Variants in BACH2 observed in about 807,000 individuals in gnomAD.
BACH2 encodes the protein BACH transcriptional regulator 2.
BACH2 carries 5 observed loss-of-function variants against 61.8 expected under a neutral mutation model. The observed-to-expected ratio is 0.08, with a 90% CI of 0.04 to 0.17. BACH2 has a LOEUF of 0.17. BACH2 is among the 10% of genes least tolerant of loss of function. BACH2 has a pLI of 1.00. For missense variants in BACH2, 824 were observed against 1,091.1 expected, an observed-to-expected ratio of 0.76 and a Z score of 3.45; for synonymous variants, 446 against 440.1, an observed-to-expected ratio of 1.01 and a Z score of -0.17.
In BACH2 at chr6:90,018,777, G is replaced by C. The variant is rs369337981; in HGVS notation, c.-12-9921C>G. Among the ~76,000 whole-genome samples, 15 of 152,244 alleles carry C rather than the reference G, an allele frequency of 9.9e-5. No individual in the cohort carries two copies. The East Asian group carries it at 2.9e-3, about 29-fold the overall frequency. On this transcript the variant is annotated intron_variant, in intron 5 of 8. Coordinates refer to ENST00000257749, the MANE Select transcript of BACH2 (RefSeq NM_021813.4). Reference sequence around the variant, plus strand: ...AAAAGATAAAATATTTGTGAGGTTTGTTATCTGGAATCATTTTTTAAATGG... The same window carrying C: ...AAAAGATAAAATATTTGTGAGGTTTCTTATCTGGAATCATTTTTTAAATGG...
At chr6:89,947,347 C>T (rs1226186797) in intron 7 of BACH2, among the ~76,000 whole-genome samples, 1 of 152,152 alleles carries the variant, frequency 6.6e-6, no homozygotes, top group Non-Finnish European at 1.5e-5. Context: ...TTATCAACTC[C>T]TCGAGCAGCA....
At chr6:89,936,251 G>A (rs1340394361) in intron 8 of BACH2, among the ~76,000 whole-genome samples, 1 of 152,192 alleles carries the variant, frequency 6.6e-6, no homozygotes, top group Non-Finnish European at 1.5e-5. Context: ...ACAGGCAGGT[G>A]CCCAGCCTAA....
At chr6:90,221,244 T>C (rs1007118134) in intron 3 of BACH2, among the ~76,000 whole-genome samples, 4 of 152,214 alleles carry the variant, frequency 2.6e-5, no homozygotes, top group South Asian at 2.1e-4. Context: ...GTCTGTACAA[T>C]ATTCATGGAT....
At chr6:89,975,240 C>T (rs1263711357) in intron 6 of BACH2, among the ~76,000 whole-genome samples, 1 of 152,170 alleles carries the variant, frequency 6.6e-6, no homozygotes, top group Non-Finnish European at 1.5e-5. Flanking sequence ...GCAGAAATTG[C>T]TAATGGAATA....
intron 7 of BACH2, among the ~76,000 whole-genome samples, chr6:89,946,556 T>C (rs1773732418): frequency 6.6e-6 from 1 of 152,188 alleles, no homozygotes; most frequent in Non-Finnish European, 1.5e-5. Context: ...ACAACTGAAA[T>C]GTCTGGTGAT....
Position 89,993,517 on chromosome 6 carries a change from G to C in BACH2, c.243+15085C>G, listed in dbSNP as rs150489384. On this transcript the variant is annotated intron_variant, in intron 6 of 8. Coordinates refer to ENST00000257749, the MANE Select transcript of BACH2 (RefSeq NM_021813.4). ...CTGGCAATCCATGGACCACCGAGTA[G>C]TTTGCGTGAAGTCATTTTAAACATT... Among the ~76,000 whole-genome samples the C allele has an allele frequency of 6.0e-3, 907 of 152,320 alleles. 10 individuals carry two copies. Among genetic ancestry groups the C allele is most frequent in the African/African-American group, 0.02 (817 of 41,580 alleles).
intron 5 of BACH2, among the ~76,000 whole-genome samples, chr6:90,054,623 T>C (rs574673018): frequency 4.0e-4 from 60 of 151,892 alleles, no homozygotes; most frequent in African/African-American, 1.3e-3. Context: ...TTGAAGAGAG[T>C]AGTGGTTCTC....
At chr6:90,242,416 T>C (rs1223557638) in intron 3 of BACH2, among the ~76,000 whole-genome samples, 1 of 152,250 alleles carries the variant, frequency 6.6e-6, no homozygotes, top group Non-Finnish European at 1.5e-5. Flanking sequence ...TGTGGCTTCA[T>C]TGCTCATTTC....
At chr6:90,220,598 C>T (rs779821317) in intron 3 of BACH2, among the ~76,000 whole-genome samples, 20 of 152,142 alleles carry the variant, frequency 1.3e-4, no homozygotes, top group Non-Finnish European at 2.5e-4. Flanking sequence ...TTAGCTATTT[C>T]TATCAATAAG....
intron 2 of BACH2, among the ~76,000 whole-genome samples, chr6:90,264,756 T>C (rs1771270984): frequency 6.6e-6 from 1 of 152,176 alleles, no homozygotes; most frequent in South Asian, 2.1e-4. Context: ...TGGGGTTTCC[T>C]CGTCTTTCCC....
chr6:90,105,697 T>C (rs1344602306), intron 4 of BACH2, among the ~76,000 whole-genome samples: 7 of 152,220 alleles, frequency 4.6e-5, no homozygotes, highest in African/African-American at 1.7e-4. Flanking sequence ...TTGATGTTGC[T>C]TCCTGTTTTT....
At chr6:90,123,138 G>C (rs1342224355) in intron 4 of BACH2, among the ~76,000 whole-genome samples, 1 of 152,152 alleles carries the variant, frequency 6.6e-6, no homozygotes, top group Non-Finnish European at 1.5e-5. Context: ...TGGATTACCT[G>C]AGTAGGCCCT....
intron 4 of BACH2, among the ~76,000 whole-genome samples, chr6:90,141,745 T>C (rs1033621149): frequency 3.3e-5 from 5 of 152,192 alleles, no homozygotes; most frequent in African/African-American, 1.2e-4. Flanking sequence ...CACATGATAA[T>C]AGGTTGATTT....
At chr6:90,019,453 G>C (rs1778259935) in intron 5 of BACH2, among the ~76,000 whole-genome samples, 1 of 152,202 alleles carries the variant, frequency 6.6e-6, no homozygotes, top group South Asian at 2.1e-4. Context: ...TGTGGATCTG[G>C]ACAAACTGCC....
chr6:89,992,036 C>T lies in BACH2; in HGVS notation c.243+16566G>A, dbSNP rs372201207. ...ATTTTAATTTCTTGACTACTTAAAA[C>T]ATTTAATTGGTTCAAAAGTCAATAC... On this transcript the variant is annotated intron_variant, in intron 6 of 8. Transcript: ENST00000257749. Among the ~76,000 whole-genome samples, 17 of 152,234 alleles carry T rather than the reference C, an allele frequency of 1.1e-4. No individual in the cohort carries two copies. In the East Asian group the frequency reaches 2.3e-3, roughly 21 times the overall value.
intron 7 of BACH2, among the ~76,000 whole-genome samples, chr6:89,938,932 C>T (rs1428151535): frequency 6.6e-6 from 1 of 152,182 alleles, no homozygotes; most frequent in Non-Finnish European, 1.5e-5. Flanking sequence ...AGACCTCAGG[C>T]TAGCTACTCC....
chr6:90,131,776 A>T (rs1430318202), intron 4 of BACH2, among the ~76,000 whole-genome samples: 2 of 152,238 alleles, frequency 1.3e-5, no homozygotes, highest in Admixed American at 6.5e-5. Context: ...CACCATAAGA[A>T]AGGGAACCCA....
chr6:90,261,387 A>G (rs548187452), intron 2 of BACH2, among the ~76,000 whole-genome samples: 1 of 152,344 alleles, frequency 6.6e-6, no homozygotes, highest in African/African-American at 2.4e-5. Flanking sequence ...TATTAAAAAA[A>G]TGTTCCTTGA....
chr6:90,209,248 C>T (rs1001249985), intron 3 of BACH2, among the ~76,000 whole-genome samples: 2 of 123,462 alleles, frequency 1.6e-5, no homozygotes, highest in African/African-American at 5.0e-5. Flanking sequence ...CATATTTTAA[C>T]AATAATGTAC....
Sources: allele counts gnomAD v4.1 joint callset (sites outside exome capture counted in the v4.1 genomes callset), GRCh38; gene constraint gnomAD v4.1.1; transcripts MANE v1.5; gene names NCBI Gene and HGNC (gene_info 2026-07-23, HGNC 2026-07-21).